Variants in CTDSP1 observed in about 807,000 individuals in gnomAD.
The protein encoded by CTDSP1 is CTD small phosphatase 1.
A neutral mutation model predicts 32.5 loss-of-function variants in CTDSP1; 15 were observed. That is an observed-to-expected ratio of 0.46 (90% CI 0.31 to 0.71). The LOEUF is 0.71. CTDSP1 is among the 30% of genes least tolerant of loss of function. CTDSP1 has a pLI of 0.05. For missense variants in CTDSP1, 294 were observed against 351.1 expected (o/e 0.84, Z 1.30); for synonymous variants, 185 against 145.4 (o/e 1.27, Z -1.96).
At chr2:218,396,600 G>A (rs1696793507), upstream of CTDSP1, 1 of 152,572 alleles carries the variant, frequency 6.6e-6, no homozygotes, top group South Asian at 2.1e-4. Context: ...GAAGAGATGG[G>A]ACCGGTCTGG....
At chr2:218,402,981 C>A in intron 4 of CTDSP1, 54 bp from the exon 5 acceptor site, 1 of 1,373,298 alleles carries the variant, frequency 7.3e-7, no homozygotes. Context: ...CAGCCCTCGG[C>A]CACCCCCACA....
At chr2:218,398,353 C>G, upstream of CTDSP1, 1 of 1,456,302 alleles carries the variant, frequency 6.9e-7, no homozygotes, top group Non-Finnish European at 9.3e-7. Context: ...TTAGGGGGCG[C>G]AGCCAGAGCA....
upstream of CTDSP1, chr2:218,396,835 C>G (rs922298463): frequency 6.5e-6 from 1 of 152,704 alleles, no homozygotes; most frequent in African/African-American, 2.4e-5. Flanking sequence ...CTGCCAGGCT[C>G]TGTGTTACAA....
intron 2 of CTDSP1, 95 bp downstream of exon 2, chr2:218,401,807 T>C: frequency 1.6e-6 from 2 of 1,238,944 alleles, no homozygotes; most frequent in Non-Finnish European, 2.2e-6. Context: ...CAGGATGGAC[T>C]TGCAGACCTG....
At chr2:218,397,766 C>T (rs994120611), upstream of CTDSP1, among the ~76,000 whole-genome samples, 2 of 152,204 alleles carry the variant, frequency 1.3e-5, no homozygotes, top group African/African-American at 4.8e-5. Context: ...CCTCCCCCCA[C>T]GCAATCCTGG....
intron 4 of CTDSP1, 62 bp from the exon 5 acceptor site, chr2:218,402,973 G>A: frequency 7.8e-7 from 1 of 1,280,470 alleles, no homozygotes; most frequent in Non-Finnish European, 1.1e-6. Context: ...TGCCCTGCCA[G>A]CCCTCGGCCA....
intron 4 of CTDSP1, 100 bp from the exon 5 acceptor site, chr2:218,402,935 T>C: frequency 1.2e-6 from 1 of 856,406 alleles, no homozygotes; most frequent in East Asian, 2.6e-5. Flanking sequence ...CCAGTCTCCT[T>C]CCTGTGCGCC....
chr2:218,401,356 C>T (rs1275641667), intron 1 of CTDSP1: 6 of 604,146 alleles, frequency 9.9e-6, no homozygotes, highest in East Asian at 5.6e-5. Context: ...CCTGCTAGAC[C>T]TATTTGTCTG....
chr2:218,401,472 C>T, intron 1 of CTDSP1, 92 bp from the exon 2 acceptor site: 1 of 1,450,626 alleles, frequency 6.9e-7, no homozygotes, highest in Non-Finnish European at 9.4e-7. Context: ...ACGGCAAGAT[C>T]CTCCTGGCTC....
chr2:218,399,850 C>A, upstream of CTDSP1: 1 of 1,226,890 alleles, frequency 8.2e-7, no homozygotes, highest in South Asian at 3.3e-5. Context: ...CTTGAAACGG[C>A]GCCTGGGTTC....
upstream of CTDSP1, chr2:218,399,730 A>ACCCGG: frequency 2.0e-6 from 2 of 1,001,732 alleles, no homozygotes; most frequent in Non-Finnish European, 2.4e-6. Flanking sequence ...CGCGGCAGGA[A>ACCCGG]CCCGGCCCGG....
chr2:218,400,692 C>G, intron 1 of CTDSP1: 1 of 454,954 alleles, frequency 2.2e-6, no homozygotes, highest in Non-Finnish European at 4.4e-6. Flanking sequence ...GCGCCGACCC[C>G]CTCGGAGGCA....
chr2:218,402,289 TG>T, intron 3 of CTDSP1, 59 bp from the exon 4 acceptor site: 1 of 1,612,226 alleles, frequency 6.2e-7, no homozygotes, highest in Non-Finnish European at 8.5e-7. Context: ...GGGAGGTGTG[TG>T]CTGGACCCCA....
intron 1 of CTDSP1, chr2:218,401,247 G>A (rs1026542805): frequency 6.7e-6 from 3 of 444,554 alleles, no homozygotes; most frequent in South Asian, 2.1e-5. Context: ...CCGCAATGGG[G>A]CTGATCAGCA....
At chr2:218,402,052 G>C (rs1010593686) in intron 2 of CTDSP1, 59 bp from the exon 3 acceptor site, 2 of 1,187,438 alleles carry the variant, frequency 1.7e-6, no homozygotes, top group East Asian at 4.9e-5. Flanking sequence ...AGAAGCCTGC[G>C]TGGGAGGAAG....
intron 5 of CTDSP1, 31 bp from the exon 6 acceptor site, chr2:218,403,201 G>A: frequency 6.2e-7 from 1 of 1,611,638 alleles, no homozygotes; most frequent in East Asian, 2.2e-5. Flanking sequence ...TGAACCTGCG[G>A]GCCCCAGGAT....
chr2:218,402,248 C>T (rs1278187876), intron 3 of CTDSP1, 33 bp downstream of exon 3: 2 of 1,610,830 alleles, frequency 1.2e-6, no homozygotes, highest in Admixed American at 1.7e-5. Flanking sequence ...CAGCCCGGGT[C>T]TCGGGGGGCA....
At chr2:218,397,524 G>A (rs569812750), upstream of CTDSP1, among the ~76,000 whole-genome samples, 3 of 152,204 alleles carry the variant, frequency 2.0e-5, no homozygotes, top group Admixed American at 2.0e-4. Flanking sequence ...GGGAAACTGA[G>A]GGACTGTGTT....
Position 218,404,660 on chromosome 2 carries a change from A to T in CTDSP1, c.*235A>T. 1 of 481,382 alleles carries T rather than the reference A, an allele frequency of 2.1e-6. No individual in the cohort carries two copies. The highest frequency in any genetic ancestry group is 3.7e-6 in the Non-Finnish European group (1 of 273,176). The allele number at this position is 481,382 out of a possible 1,614,324, so 29.8% of individuals were successfully genotyped here. A position where few individuals can be genotyped will look rare whatever the true frequency, so the allele number is the denominator to read the frequency against. On this transcript the variant is annotated 3_prime_UTR_variant, in exon 7 of 7. Transcript: ENST00000273062. ...CCTTCAAACCTCCTCCCCTATTCTC[A>T]GGGGACCTGGGGGGCCCTGCCTGCT...
Sources: gnomAD v4.1 joint callset for allele counts (sites outside exome capture counted in the v4.1 genomes callset) on GRCh38, gnomAD v4.1.1 for gene constraint, MANE v1.5 for transcripts, NCBI Gene and HGNC (gene_info 2026-07-23, HGNC 2026-07-21) for gene names.